Variants in FSTL4 observed in about 807,000 individuals in gnomAD.
FSTL4 encodes follistatin-related protein 4.
Under a neutral mutation model 78.2 loss-of-function variants are expected in FSTL4, and 28 were observed. The observed-to-expected ratio is 0.36, with a 90% CI of 0.27 to 0.49. The LOEUF is 0.49. FSTL4 is among the 20% of genes least tolerant of loss of function. FSTL4 has a pLI of 0.98. For synonymous variants in FSTL4, 422 were observed against 440.5 expected (o/e 0.96, Z 0.53); for missense variants, 922 against 1,084.9 (o/e 0.85, Z 2.11).
intron 2 of FSTL4, among the ~76,000 whole-genome samples, chr5:133,572,649 G>A (rs1203249177): frequency 2.6e-5 from 4 of 151,554 alleles, no homozygotes; most frequent in Admixed American, 1.3e-4. Flanking sequence ...AATACATTTC[G>A]GCTACTTAAC....
chr5:133,685,901 CATTT>C, the FSTL4 span, among the ~76,000 whole-genome samples: 1 of 152,208 alleles, frequency 6.6e-6, no homozygotes, highest in Non-Finnish European at 1.5e-5. Context: ...ACTCCCGATT[CATTT>C]ATTTTTCTTA....
chr5:133,600,519 G>A (rs1050974487), intron 2 of FSTL4, among the ~76,000 whole-genome samples: 15 of 152,122 alleles, frequency 9.9e-5, no homozygotes, highest in Non-Finnish European at 1.5e-4. Context: ...TCTAGGGCAC[G>A]TTCTGCCACT....
chr5:133,622,421 T>C, the FSTL4 span, among the ~76,000 whole-genome samples: 1 of 152,214 alleles, frequency 6.6e-6, no homozygotes, highest in African/African-American at 2.4e-5. Context: ...TTGGCTTGTA[T>C]GATAGTTACA....
chr5:133,204,429 CATT>C (rs1194449222), intron 14 of FSTL4, among the ~76,000 whole-genome samples: 1 of 152,126 alleles, frequency 6.6e-6, no homozygotes, highest in Non-Finnish European at 1.5e-5. Context: ...CAGTAACAAA[CATT>C]GTATTTGTGA....
chr5:133,390,897 C>T (rs539258468), intron 4 of FSTL4, among the ~76,000 whole-genome samples: 5 of 152,202 alleles, frequency 3.3e-5, no homozygotes, highest in African/African-American at 4.8e-5. Flanking sequence ...AGTGATCATG[C>T]GAGGCACAAG....
chr5:133,215,543 C>T (rs1450384525), intron 13 of FSTL4, among the ~76,000 whole-genome samples: 1 of 151,970 alleles, frequency 6.6e-6, no homozygotes, highest in Non-Finnish European at 1.5e-5. Context: ...GTATTTTAAA[C>T]TTAAATCACC....
chr5:133,207,205 G>C (rs568119301), intron 14 of FSTL4, among the ~76,000 whole-genome samples: 9 of 151,998 alleles, frequency 5.9e-5, no homozygotes, highest in African/African-American at 2.2e-4. Flanking sequence ...TTGTCTCTTC[G>C]TATATTTTAA....
At chr5:133,716,449 C>T in the FSTL4 span, among the ~76,000 whole-genome samples, 1 of 151,746 alleles carries the variant, frequency 6.6e-6, no homozygotes, top group Admixed American at 6.6e-5. Flanking sequence ...AGAAATAATG[C>T]TATGTGTTTG....
chr5:133,259,575 C>T (rs1050648470), intron 6 of FSTL4, among the ~76,000 whole-genome samples: 5 of 142,142 alleles, frequency 3.5e-5, no homozygotes, highest in South Asian at 2.2e-4. Flanking sequence ...CTGGAGTGCG[C>T]GGCACGATCT....
At chr5:133,342,332 G>A (rs1754601262) in intron 4 of FSTL4, among the ~76,000 whole-genome samples, 2 of 152,174 alleles carry the variant, frequency 1.3e-5, no homozygotes, top group Admixed American at 6.5e-5. Flanking sequence ...AGGTTGCAGA[G>A]AAGGGGCAGG....
chr5:133,769,734 A>G, the FSTL4 span, among the ~76,000 whole-genome samples: 869 of 152,300 alleles, frequency 5.7e-3, 7 homozygotes, highest in African/African-American at 0.02. Context: ...TAGGAGGTAC[A>G]AGTACAGATT....
chr5:133,712,843 G>T, the FSTL4 span, among the ~76,000 whole-genome samples: 1 of 152,210 alleles, frequency 6.6e-6, no homozygotes, highest in Non-Finnish European at 1.5e-5. Flanking sequence ...TCAGGAGGGA[G>T]AGTGAATGGC....
chr5:133,433,561 G>T (rs1465340934), intron 3 of FSTL4, among the ~76,000 whole-genome samples: 1 of 152,170 alleles, frequency 6.6e-6, no homozygotes, highest in Non-Finnish European at 1.5e-5. Flanking sequence ...TGTTCTAAGT[G>T]AATATAGCAG....
At chr5:133,638,754 A>T in the FSTL4 span, among the ~76,000 whole-genome samples, 5 of 151,936 alleles carry the variant, frequency 3.3e-5, no homozygotes, top group Non-Finnish European at 5.9e-5. Context: ...TCCCACTGAC[A>T]TATAAGCTCC....
chr5:133,820,171 C>T, the FSTL4 span, among the ~76,000 whole-genome samples: 4 of 152,178 alleles, frequency 2.6e-5, no homozygotes, highest in African/African-American at 4.8e-5. Flanking sequence ...GCCTCCTCCC[C>T]CAGAAGTCCT....
rs185429541 is a variant in FSTL4 at position 133,465,682 on chromosome 5, G to C, written c.161-64696C>G. ...TGCTCACTGTCCTGGTAAGGGAGCA[G>C]TTCCTCTCAGACTTTGGTGAGTGGC... On this transcript the variant is annotated intron_variant, in intron 3 of 15. Coordinates refer to ENST00000265342, the MANE Select transcript of FSTL4 (RefSeq NM_015082.2). Among the ~76,000 whole-genome samples, 658 of 152,352 alleles carry C rather than the reference G, an allele frequency of 4.3e-3. 4 individuals are homozygous for C. Among genetic ancestry groups the C allele is most frequent in the Non-Finnish European group, 4.6e-3 (311 of 68,026 alleles).
chr5:133,675,361 AG>A, the FSTL4 span, among the ~76,000 whole-genome samples: 1 of 152,356 alleles, frequency 6.6e-6, no homozygotes, highest in African/African-American at 2.4e-5. Context: ...CGCAATTTGA[AG>A]GAGTCAGCAG....
intron 3 of FSTL4, among the ~76,000 whole-genome samples, chr5:133,486,188 G>A (rs1001091400): frequency 6.6e-6 from 1 of 152,032 alleles, no homozygotes; most frequent in African/African-American, 2.4e-5. Flanking sequence ...AGAGAGATCG[G>A]GAGCAAGAGA....
At chr5:133,641,657 T>TCACTA in the FSTL4 span, among the ~76,000 whole-genome samples, 1 of 152,174 alleles carries the variant, frequency 6.6e-6, no homozygotes, top group Non-Finnish European at 1.5e-5. Flanking sequence ...AGTATGGCTT[T>TCACTA]TAGTAGCAAA....
Sources: allele counts gnomAD v4.1 joint callset (sites outside exome capture counted in the v4.1 genomes callset), GRCh38; gene constraint gnomAD v4.1.1; transcripts MANE v1.5; gene names NCBI Gene and HGNC (gene_info 2026-07-23, HGNC 2026-07-21).